Variants in FAM13B observed in about 807,000 individuals in gnomAD.
FAM13B encodes the protein family with sequence similarity 13 member B, also known as protein FAM13B.
FAM13B carries 60 observed loss-of-function variants against 117.3 expected under a neutral mutation model. The ratio of observed to expected loss-of-function variants is 0.51; its 90% CI spans 0.42 to 0.63. The LOEUF (loss-of-function observed/expected upper bound fraction) is 0.63, where lower values mean the gene tolerates loss of function less well. Among genes scored for constraint, FAM13B ranks in the 30% least tolerant of loss-of-function variants. FAM13B has a pLI of 0.00. For synonymous variants in FAM13B, 332 were observed against 356.1 expected, an observed-to-expected ratio of 0.93 and a Z score of 0.76; for missense variants, 972 against 1,091.9, an observed-to-expected ratio of 0.89 and a Z score of 1.55.
chr5:137,941,271 A>G (rs1317468153), intron 23 of FAM13B, among the ~76,000 whole-genome samples: 1 of 152,166 alleles, frequency 6.6e-6, no homozygotes, highest in Non-Finnish European at 1.5e-5. Context: ...AGCAAAGGGA[A>G]TTAAAGTACA....
chr5:137,998,394 C>T (rs1345731520), intron 7 of FAM13B, among the ~76,000 whole-genome samples: 1 of 152,190 alleles, frequency 6.6e-6, no homozygotes, highest in Admixed American at 6.5e-5. Context: ...TCCTTGAGTA[C>T]ATTTCTTTTT....
intron 8 of FAM13B, 117 bp from the exon 9 acceptor site, chr5:137,987,733 C>A: frequency 1.1e-6 from 1 of 882,758 alleles, no homozygotes; most frequent in South Asian, 2.4e-5. Context: ...AATGGGTAAA[C>A]CAAAGTGTAA....
At chr5:138,004,938 T>TA (rs1163187729) in intron 7 of FAM13B, among the ~76,000 whole-genome samples, 1 of 152,130 alleles carries the variant, frequency 6.6e-6, no homozygotes, top group Non-Finnish European at 1.5e-5. Flanking sequence ...AGCAGAGCTC[T>TA]AAATTAACAA....
chr5:138,006,023 C>G (rs190519177), intron 7 of FAM13B, among the ~76,000 whole-genome samples: 2 of 151,916 alleles, frequency 1.3e-5, no homozygotes, highest in Non-Finnish European at 2.9e-5. Context: ...CTCAGCCTCC[C>G]GTGTAGCTGG....
Position 137,938,066 on chromosome 5 carries a change from A to G in FAM13B, c.*2159T>C, listed in dbSNP as rs772347079. 2.0e-5 allele frequency: 3 copies of G among 152,186 alleles called. No individual in the cohort carries two copies. The highest frequency in any genetic ancestry group is 4.4e-5 in the Non-Finnish European group (3 of 68,030). The allele number at this position is 152,186 out of a possible 1,614,324, so 9.4% of individuals were successfully genotyped here. ...ATATATCTATATATTATTTGTATATAGATATACAGTTTTTATTTGTACCAA... is the reference window on the plus strand; with the variant it reads ...ATATATCTATATATTATTTGTATATGGATATACAGTTTTTATTTGTACCAA... On this transcript the variant is annotated 3_prime_UTR_variant, in exon 24 of 24. Coordinates refer to ENST00000689681, the MANE Select transcript of FAM13B (RefSeq NM_001385994.1).
At chr5:137,963,814 C>G (rs1201120683) in intron 10 of FAM13B, among the ~76,000 whole-genome samples, 1 of 152,126 alleles carries the variant, frequency 6.6e-6, no homozygotes, top group African/African-American at 2.4e-5. Context: ...GTGAGCTGTG[C>G]AAACAAGGGA....
chr5:137,997,649 AT>A (rs1010573645), intron 7 of FAM13B, among the ~76,000 whole-genome samples: 5 of 152,060 alleles, frequency 3.3e-5, no homozygotes, highest in Admixed American at 1.3e-4. Context: ...AAACTCCACC[AT>A]TTTTTCCACT....
intron 6 of FAM13B, 51 bp downstream of exon 6, chr5:138,010,957 T>TAAAAAAA (rs35163730): frequency 1.1e-5 from 12 of 1,079,160 alleles, no homozygotes; most frequent in African/African-American, 5.8e-5. Context: ...ATATTATTCT[T>TAAAAAAA]AAAAAAAAAA....
chr5:138,051,387 C>T (rs1483211057), intron 1 of FAM13B, among the ~76,000 whole-genome samples: 2 of 152,168 alleles, frequency 1.3e-5, no homozygotes, highest in Non-Finnish European at 2.9e-5. Flanking sequence ...GTTACCAAAC[C>T]TACCTCCAAA....
intron 10 of FAM13B, among the ~76,000 whole-genome samples, chr5:137,974,324 T>C (rs1256440138): frequency 4.0e-5 from 6 of 151,366 alleles, no homozygotes; most frequent in East Asian, 3.9e-4. Context: ...ATGGATGAAA[T>C]TGGAAATCAT....
chr5:137,941,206 C>A (rs534135384), intron 23 of FAM13B, among the ~76,000 whole-genome samples: 4 of 152,130 alleles, frequency 2.6e-5, no homozygotes, highest in Non-Finnish European at 5.9e-5. Flanking sequence ...CTGCGCCTGG[C>A]CCACTTCAGA....
At chr5:137,965,679 T>C (rs1769490836) in intron 10 of FAM13B, among the ~76,000 whole-genome samples, 1 of 152,222 alleles carries the variant, frequency 6.6e-6, no homozygotes, top group Non-Finnish European at 1.5e-5. Context: ...CTCTCTCTTC[T>C]ACTGAATTAA....
At chr5:137,983,954 C>A (rs1403511387) in intron 10 of FAM13B, among the ~76,000 whole-genome samples, 1 of 152,024 alleles carries the variant, frequency 6.6e-6, no homozygotes, top group Non-Finnish European at 1.5e-5. Flanking sequence ...CTGAGGAAAC[C>A]CACCTTATCT....
chr5:137,970,129 G>A lies in FAM13B; in HGVS notation c.1180-7660C>T, dbSNP rs566470025. 2.8e-3 allele frequency among the ~76,000 whole-genome samples: 432 copies of A among 151,966 alleles called. 1 individual carries two copies. The highest frequency in any genetic ancestry group is 3.8e-3 in the Non-Finnish European group (255 of 67,928). On this transcript the variant is annotated intron_variant, in intron 10 of 23. Coordinates refer to ENST00000689681, the MANE Select transcript of FAM13B (RefSeq NM_001385994.1). ...AGAGAACGCCACAAAGATACTCCTC[G>A]AGAAGAGCAACACCAAGACACATAA...
rs1763300944 is a variant in FAM13B at position 137,945,966 on chromosome 5, G to T, written c.2276C>A (p.Pro759His). The T allele has an allele frequency of 1.1e-5, 18 of 1,613,210 alleles. No homozygotes were observed. Among genetic ancestry groups the T allele is most frequent in the Non-Finnish European group, 1.4e-5 (17 of 1,179,608 alleles). Reference sequence around the variant, plus strand: ...TACAAGCCTGTATCTATCATAGAGAGGTTTAACAATGTGCCTTTCTTCCTT... The same window carrying T: ...TACAAGCCTGTATCTATCATAGAGATGTTTAACAATGTGCCTTTCTTCCTT... ...VTKEERHIVKPLYDRYRLVKQ... is the reference protein window; with the variant it reads ...VTKEERHIVKHLYDRYRLVKQ... The change falls in exon 20 of 24, where the codon CCT (proline) becomes CAT (histidine). Residue 759 changes from proline (P) to histidine (H), a missense_variant. Physicochemically the swap from Pro to His is moderately conservative, Grantham distance 77. Transcript: ENST00000689681.
chr5:137,955,955 T>G (rs1186931586), intron 14 of FAM13B, among the ~76,000 whole-genome samples: 1 of 152,082 alleles, frequency 6.6e-6, no homozygotes, highest in Non-Finnish European at 1.5e-5. Flanking sequence ...TAACTACACT[T>G]AAAAATTTTG....
At position 137,954,341 on chromosome 5, in the gene FAM13B, A is replaced by G; in HGVS notation, c.1543T>C (p.Ser515Pro). 1 of 1,613,946 alleles carries G rather than the reference A, an allele frequency of 6.2e-7. No individual in the cohort carries two copies. Among genetic ancestry groups the G allele is most frequent in the Non-Finnish European group, 8.5e-7 (1 of 1,179,954 alleles). Residue 515 changes from serine to proline, a missense_variant, in exon 15 of 24, where the codon TCT (serine) becomes CCT (proline). Ser to Pro is a moderately conservative substitution (Grantham distance 74, BLOSUM62 -1). Transcript: ENST00000689681. ...GACAGCTGAGCTTCTCCAGACTCAG[A>G]GTCCTCCTGCCAAGACTTAAAAGCA... The part of the protein sequence containing the change: ...FPAFKSWQED[S>P]ESGEAQLSPQ...
intron 22 of FAM13B, chr5:137,942,337 T>C: frequency 2.9e-6 from 1 of 342,628 alleles, no homozygotes; most frequent in East Asian, 5.1e-5. Context: ...TCCTGTACTT[T>C]GTTATAAATC....
At chr5:137,966,265 C>T (rs1007721298) in intron 10 of FAM13B, among the ~76,000 whole-genome samples, 7 of 151,216 alleles carry the variant, frequency 4.6e-5, no homozygotes, top group East Asian at 1.9e-4. Flanking sequence ...GGCGAAACCT[C>T]GTCTCTACTA....
Sources: allele counts gnomAD v4.1 joint callset (sites outside exome capture counted in the v4.1 genomes callset), GRCh38; gene constraint gnomAD v4.1.1; transcripts MANE v1.5; gene names NCBI Gene and HGNC (gene_info 2026-07-23, HGNC 2026-07-21).